The following KCTD16 variants were observed in gnomAD, a reference collection of about 807,000 sequenced individuals.
KCTD16 encodes BTB/POZ domain-containing protein KCTD16.
In KCTD16, 13 loss-of-function variants were observed where a neutral mutation model predicts 33.2. The observed-to-expected ratio is 0.39, with a 90% confidence interval of 0.25 to 0.62. The LOEUF (loss-of-function observed/expected upper bound fraction) is 0.62, where lower values mean the gene tolerates loss of function less well. Among genes scored for constraint, KCTD16 ranks in the 20% least tolerant of loss-of-function variants. KCTD16 has a pLI of 0.50. For synonymous variants in KCTD16, 197 were observed against 195.3 expected, an observed-to-expected ratio of 1.01 and a Z score of -0.07; for missense variants, 441 against 525.1, an observed-to-expected ratio of 0.84 and a Z score of 1.57.
intron 3 of KCTD16, among the ~76,000 whole-genome samples, chr5:144,267,572 A>G (rs1270185089): frequency 1.3e-5 from 2 of 152,124 alleles, no homozygotes; most frequent in African/African-American, 2.4e-5. Flanking sequence ...CTGTGGCTTT[A>G]TCCATTTTTT....
chr5:144,329,808 A>C (rs1032728643), intron 3 of KCTD16, among the ~76,000 whole-genome samples: 5 of 152,186 alleles, frequency 3.3e-5, no homozygotes, highest in Admixed American at 2.6e-4. Flanking sequence ...TGTTCAGTCC[A>C]CCAACCTTAG....
rs927767360 is a variant in KCTD16 at position 144,364,321 on chromosome 5, G to GA, written c.833-109330dup. 4.0e-5 allele frequency among the ~76,000 whole-genome samples: 6 copies of GA among 151,174 alleles called. No individual in the cohort carries two copies. The East Asian group carries it at 5.8e-4, about 15-fold the overall frequency. The stretch of plus-strand genomic sequence containing the variant: ...GGACACACGCTAGAAAGGAGTGTTA[G>GA]AAAAAAAAAGTTACTTTTCATTTTT... On this transcript the variant is annotated intron_variant, in intron 3 of 3. Coordinates refer to ENST00000512467, the MANE Select transcript of KCTD16 (RefSeq NM_020768.4).
At chr5:144,219,356 G>A (rs1300522355) in intron 3 of KCTD16, among the ~76,000 whole-genome samples, 1 of 151,862 alleles carries the variant, frequency 6.6e-6, no homozygotes, top group African/African-American at 2.4e-5. Flanking sequence ...TGGGATTACA[G>A]GCCCCCGCCA....
At chr5:144,347,570 G>T (rs896564420) in intron 3 of KCTD16, among the ~76,000 whole-genome samples, 5 of 152,168 alleles carry the variant, frequency 3.3e-5, no homozygotes, top group African/African-American at 9.7e-5. Context: ...ACTCTAGCCT[G>T]GGGGACAAGA....
At chr5:144,355,616 T>C (rs1180766545) in intron 3 of KCTD16, among the ~76,000 whole-genome samples, 2 of 152,186 alleles carry the variant, frequency 1.3e-5, no homozygotes, top group African/African-American at 4.8e-5. Context: ...CTCATAGTTC[T>C]CAAACTCATA....
At chr5:144,186,991 T>G (rs531856970) in intron 2 of KCTD16, among the ~76,000 whole-genome samples, 1 of 152,278 alleles carries the variant, frequency 6.6e-6, no homozygotes, top group Admixed American at 6.5e-5. Context: ...GCTTACAGTG[T>G]CACTGGGGGA....
intron 3 of KCTD16, among the ~76,000 whole-genome samples, chr5:144,222,508 A>T (rs144729956): frequency 1.2e-3 from 184 of 152,346 alleles, no homozygotes; most frequent in African/African-American, 4.0e-3. Flanking sequence ...TCTCAAAAGA[A>T]GACATTTATG....
At chr5:144,411,988 C>G (rs1214325300) in intron 3 of KCTD16, among the ~76,000 whole-genome samples, 2 of 152,072 alleles carry the variant, frequency 1.3e-5, no homozygotes, top group African/African-American at 4.8e-5. Flanking sequence ...CATCTCAACC[C>G]AGTTCAAATG....
intron 3 of KCTD16, among the ~76,000 whole-genome samples, chr5:144,468,235 G>T (rs1227862181): frequency 6.6e-6 from 1 of 152,120 alleles, no homozygotes; most frequent in Non-Finnish European, 1.5e-5. Flanking sequence ...TCAGACTTAA[G>T]GATGGTAGCC....
intron 3 of KCTD16, among the ~76,000 whole-genome samples, chr5:144,298,010 C>G (rs902720225): frequency 8.5e-5 from 13 of 152,228 alleles, no homozygotes; most frequent in African/African-American, 2.7e-4. Flanking sequence ...AGGGTGTCCG[C>G]TGTGCTCCTG....
At chr5:144,455,417 T>G (rs1180852521) in intron 3 of KCTD16, among the ~76,000 whole-genome samples, 4 of 152,128 alleles carry the variant, frequency 2.6e-5, no homozygotes, top group Non-Finnish European at 5.9e-5. Flanking sequence ...TAACAAAGCA[T>G]TTTCTTGTGG....
intron 3 of KCTD16, among the ~76,000 whole-genome samples, chr5:144,260,761 G>T (rs899376422): frequency 6.6e-6 from 1 of 151,750 alleles, no homozygotes; most frequent in Non-Finnish European, 1.5e-5. Flanking sequence ...GTTGTTGTTT[G>T]TTTTTTTAAA....
intron 3 of KCTD16, among the ~76,000 whole-genome samples, chr5:144,345,347 A>T (rs1169707524): frequency 2.0e-5 from 3 of 152,110 alleles, no homozygotes; most frequent in Non-Finnish European, 4.4e-5. Context: ...TAAAACTTAA[A>T]GTATAATAAT....
intron 3 of KCTD16, among the ~76,000 whole-genome samples, chr5:144,431,308 G>A (rs182614933): frequency 3.9e-5 from 6 of 152,256 alleles, no homozygotes; most frequent in Admixed American, 3.9e-4. Context: ...ACTTCAGTAT[G>A]ATAATAATTG....
chr5:144,329,505 G>A (rs1580876965), intron 3 of KCTD16, among the ~76,000 whole-genome samples: 1 of 152,118 alleles, frequency 6.6e-6, no homozygotes, highest in African/African-American at 2.4e-5. Flanking sequence ...AGCCCTTGCA[G>A]CATCTAAAAG....
At chr5:144,369,907 G>T (rs1751927777) in intron 3 of KCTD16, among the ~76,000 whole-genome samples, 1 of 152,102 alleles carries the variant, frequency 6.6e-6, no homozygotes, top group Non-Finnish European at 1.5e-5. Context: ...TTAAGTGCAT[G>T]ATTTCTAATG....
At chr5:144,331,993 A>G (rs566765621) in intron 3 of KCTD16, among the ~76,000 whole-genome samples, 1 of 152,308 alleles carries the variant, frequency 6.6e-6, no homozygotes, top group Admixed American at 6.5e-5. Flanking sequence ...GATGGCAGAA[A>G]TTCTTAGAAA....
chr5:144,309,164 T>C (rs1751690345), intron 3 of KCTD16, among the ~76,000 whole-genome samples: 1 of 152,162 alleles, frequency 6.6e-6, no homozygotes, highest in Admixed American at 6.6e-5. Flanking sequence ...AGGTGAAAGG[T>C]TAGACAGAAT....
intron 3 of KCTD16, among the ~76,000 whole-genome samples, chr5:144,345,062 G>A: frequency 6.6e-6 from 1 of 151,874 alleles, no homozygotes; most frequent in East Asian, 1.9e-4. Context: ...GTAGGGACAT[G>A]GATGTAATTG....
Sources: gnomAD v4.1 joint callset for allele counts (sites outside exome capture counted in the v4.1 genomes callset) on GRCh38, gnomAD v4.1.1 for gene constraint, MANE v1.5 for transcripts, NCBI Gene and HGNC (gene_info 2026-07-23, HGNC 2026-07-21) for gene names.